The following LHFPL6 variants were observed in gnomAD, a reference collection of about 807,000 sequenced individuals.
LHFPL6 encodes LHFPL tetraspan subfamily member 6 protein.
In LHFPL6, 9 loss-of-function variants were observed where a neutral mutation model predicts 20.6. The observed-to-expected ratio is 0.44, with a 90% confidence interval of 0.26 to 0.76. The LOEUF is 0.76. Ranked by LOEUF, LHFPL6 falls within the 30% of genes least tolerant of loss-of-function variation. LHFPL6 has a pLI of 0.20. For synonymous variants in LHFPL6, 105 were observed against 98.7 expected, an observed-to-expected ratio of 1.06 and a Z score of -0.38; for missense variants, 218 against 253.5, an observed-to-expected ratio of 0.86 and a Z score of 0.95.
At chr13:39,379,086 C>G (rs1432584676) in intron 2 of LHFPL6, among the ~76,000 whole-genome samples, 1 of 150,052 alleles carries the variant, frequency 6.7e-6, no homozygotes, top group Non-Finnish European at 1.5e-5. Context: ...AGCATCCACG[C>G]ATCTCAGAAA....
At chr13:39,591,340 A>C (rs971258990) in intron 2 of LHFPL6, among the ~76,000 whole-genome samples, 2 of 152,180 alleles carry the variant, frequency 1.3e-5, no homozygotes, top group African/African-American at 4.8e-5. Context: ...TCATACATCA[A>C]AATATGGTCC....
At chr13:39,458,204 G>A (rs1224673456) in intron 2 of LHFPL6, among the ~76,000 whole-genome samples, 4 of 152,072 alleles carry the variant, frequency 2.6e-5, no homozygotes, top group African/African-American at 9.7e-5. Flanking sequence ...GGAAGAAAGA[G>A]AGCTAAAGAG....
At chr13:39,589,944 A>G (rs1477889366) in intron 2 of LHFPL6, among the ~76,000 whole-genome samples, 3 of 152,206 alleles carry the variant, frequency 2.0e-5, no homozygotes, top group Non-Finnish European at 4.4e-5. Flanking sequence ...CAATATTTCT[A>G]TCATACCAGA....
chr13:39,502,813 TTAACA>T (rs1199360806), intron 2 of LHFPL6, among the ~76,000 whole-genome samples: 3 of 152,362 alleles, frequency 2.0e-5, no homozygotes, highest in African/African-American at 7.2e-5. Context: ...TACAGATTCC[TTAACA>T]TGACAGTCTC....
chr13:39,552,071 T>C (rs993772894), intron 2 of LHFPL6, among the ~76,000 whole-genome samples: 1 of 152,130 alleles, frequency 6.6e-6, no homozygotes, highest in Non-Finnish European at 1.5e-5. Context: ...CATCAGAAAA[T>C]AATCATGAGA....
At chr13:39,485,660 A>C (rs1868698881) in intron 2 of LHFPL6, among the ~76,000 whole-genome samples, 1 of 152,202 alleles carries the variant, frequency 6.6e-6, no homozygotes, top group Admixed American at 6.5e-5. Flanking sequence ...GAGCTAGCCA[A>C]TATGAAGGCA....
chr13:39,461,595 C>T (rs1872689340), intron 2 of LHFPL6, among the ~76,000 whole-genome samples: 1 of 152,098 alleles, frequency 6.6e-6, no homozygotes, highest in South Asian at 2.1e-4. Context: ...CAAGTTTCTC[C>T]TGACAGCTGA....
intron 2 of LHFPL6, among the ~76,000 whole-genome samples, chr13:39,481,843 A>G (rs1868538075): frequency 6.6e-6 from 1 of 152,096 alleles, no homozygotes; most frequent in Non-Finnish European, 1.5e-5. Flanking sequence ...TTGCTGATGG[A>G]GTAGAAGTGA....
intron 2 of LHFPL6, among the ~76,000 whole-genome samples, chr13:39,399,844 A>G (rs1051002785): frequency 6.6e-6 from 1 of 152,226 alleles, no homozygotes; most frequent in Non-Finnish European, 1.5e-5. Flanking sequence ...CTGTAATCCC[A>G]GCACTTTGGG....
intron 2 of LHFPL6, among the ~76,000 whole-genome samples, chr13:39,463,773 A>T (rs1190126456): frequency 6.6e-6 from 1 of 152,202 alleles, no homozygotes. Context: ...TGATTTACTG[A>T]GGATTATGTT....
rs138195280 is a variant in LHFPL6 at position 39,576,213 on chromosome 13, G to A, written c.385+24619C>T. Among the ~76,000 whole-genome samples the A allele has an allele frequency of 2.6e-5, 4 of 152,252 alleles. No individual in the cohort carries two copies. In the South Asian group the frequency reaches 8.3e-4, roughly 32 times the overall value. ...AAATCATTTTAACAGAGTTCATACAGACTAGGTTTGGGTCAAAATGATTTA... is the reference window on the plus strand; with the variant it reads ...AAATCATTTTAACAGAGTTCATACAAACTAGGTTTGGGTCAAAATGATTTA... On this transcript the variant is annotated intron_variant, in intron 2 of 3. Transcript: ENST00000379589.
chr13:39,484,202 T>C (rs766999857), intron 2 of LHFPL6, among the ~76,000 whole-genome samples: 31 of 152,170 alleles, frequency 2.0e-4, no homozygotes, highest in Admixed American at 7.9e-4. Flanking sequence ...AAGCACTTCA[T>C]ATCCAACAAA....
At chr13:39,479,492 G>T (rs1335629993) in intron 2 of LHFPL6, among the ~76,000 whole-genome samples, 1 of 151,992 alleles carries the variant, frequency 6.6e-6, no homozygotes, top group Non-Finnish European at 1.5e-5. Flanking sequence ...ATAACAATGT[G>T]AAACAAAAAC....
rs73462831 is a variant in LHFPL6, at chr13:39,463,036, G to A, written c.386-84510C>T. The stretch of plus-strand genomic sequence containing the variant: ...GAAAAACCAGCATCCTGAGGGAACC[G>A]CATGGCTGTAGTCTTCCTCTACCTC... On this transcript the variant is annotated intron_variant, in intron 2 of 3. Coordinates refer to ENST00000379589, the MANE Select transcript of LHFPL6 (RefSeq NM_005780.3). 2.7e-3 allele frequency among the ~76,000 whole-genome samples: 406 copies of A among 152,272 alleles called. 4 individuals are homozygous for A. Among genetic ancestry groups the A allele is most frequent in the African/African-American group, 9.1e-3 (380 of 41,562 alleles).
chr13:39,466,188 A>G (rs2138432885), intron 2 of LHFPL6, among the ~76,000 whole-genome samples: 1 of 152,244 alleles, frequency 6.6e-6, no homozygotes, highest in African/African-American at 2.4e-5. Context: ...GTTCAGCCTA[A>G]ATGTTTGGAT....
chr13:39,530,924 G>A (rs1174922488), intron 2 of LHFPL6, among the ~76,000 whole-genome samples: 2 of 136,596 alleles, frequency 1.5e-5, no homozygotes, highest in Non-Finnish European at 3.3e-5. Context: ...GCTGGTTACA[G>A]AATCAAGCAG....
Position 39,593,643 on chromosome 13 carries a change from A to C in LHFPL6, c.385+7189T>G, listed in dbSNP as rs147541707. ...AAAGTTCATATGGAACCAAAAAAAG[A>C]GCCCACATTGCCAAGTCAATCCCAA... On this transcript the variant is annotated intron_variant, in intron 2 of 3. Transcript: ENST00000379589. Among the ~76,000 whole-genome samples the C allele has an allele frequency of 2.0e-3, 309 of 152,324 alleles. 1 individual carries two copies. Among genetic ancestry groups the C allele is most frequent in the African/African-American group, 7.3e-3 (303 of 41,574 alleles).
At chr13:39,460,985 A>G (rs1872674067) in intron 2 of LHFPL6, among the ~76,000 whole-genome samples, 1 of 152,178 alleles carries the variant, frequency 6.6e-6, no homozygotes, top group Non-Finnish European at 1.5e-5. Flanking sequence ...TCACCCTCCT[A>G]CTACCCTCCA....
chr13:39,363,224 G>T (rs1869923596), intron 3 of LHFPL6, among the ~76,000 whole-genome samples: 1 of 152,174 alleles, frequency 6.6e-6, no homozygotes, highest in Admixed American at 6.5e-5. Flanking sequence ...GGGATTAGAG[G>T]AAAGGGATTA....
Sources: gnomAD v4.1 joint callset for allele counts (sites outside exome capture counted in the v4.1 genomes callset) on GRCh38, gnomAD v4.1.1 for gene constraint, MANE v1.5 for transcripts, NCBI Gene and HGNC (gene_info 2026-07-23, HGNC 2026-07-21) for gene names.